The following UTP4 variants were observed in gnomAD, a reference collection of about 807,000 sequenced individuals.
UTP4 encodes the protein U3 small nucleolar RNA-associated protein 4 homolog.
Under a neutral mutation model 82.4 loss-of-function variants are expected in UTP4, and 45 were observed. That is an observed-to-expected ratio of 0.55 (90% CI 0.43 to 0.70). UTP4 has a LOEUF of 0.70. Among genes scored for constraint, UTP4 ranks in the 30% least tolerant of loss-of-function variants. UTP4 has a pLI of 0.00. For synonymous variants in UTP4, 348 were observed against 300.3 expected, an observed-to-expected ratio of 1.16 and a Z score of -1.64; for missense variants, 819 against 858.3, an observed-to-expected ratio of 0.95 and a Z score of 0.57.
intron 9 of UTP4, among the ~76,000 whole-genome samples, chr16:69,153,966 G>T (rs1963344293): frequency 6.6e-6 from 1 of 152,118 alleles, no homozygotes; most frequent in South Asian, 2.1e-4. Context: ...CTTAACTGAG[G>T]TGAAAACAGG....
Position 69,150,647 on chromosome 16 carries a change from C to G in UTP4, c.849C>G (p.Phe283Leu), listed in dbSNP as rs1448213064. The G allele has an allele frequency of 1.2e-6, 2 of 1,614,222 alleles. No homozygotes were observed. The highest frequency in any genetic ancestry group is 2.2e-5 in the East Asian group (1 of 44,886). ...SEKQWVRTKP[F>L]QHHTHDVRTV... ...AGCAGTGGGTGCGGACAAAACCGTT[C>G]CAGCATCACACTCATGACGTGCGCA... The change falls in exon 7 of 17, where the codon TTC becomes TTG. Residue 283 changes from phenylalanine (F) to leucine (L), a missense_variant. Physicochemically the swap from Phe to Leu is conservative, Grantham distance 22 (BLOSUM62 0). Coordinates refer to ENST00000314423, the MANE Select transcript of UTP4 (RefSeq NM_032830.3).
In UTP4 at chr16:69,157,247, A is replaced by G. The variant is rs779127068; in HGVS notation, c.1444+7A>G. The G allele has an allele frequency of 1.5e-5, 24 of 1,613,842 alleles. No homozygotes were observed. The highest frequency in any genetic ancestry group is 2.0e-5 in the Non-Finnish European group (24 of 1,179,922). ...GCTTTCCAGCCTCAGTCAGGTGGGAATCTGGTAACTGGCCATGGGGAGACT... is the reference window on the plus strand; with the variant it reads ...GCTTTCCAGCCTCAGTCAGGTGGGAGTCTGGTAACTGGCCATGGGGAGACT... On this transcript the variant is annotated splice_region_variant and intron_variant, in intron 12 of 16. Transcript: ENST00000314423.
chr16:69,134,508 ATTCAGAG>A, intron 2 of UTP4, among the ~76,000 whole-genome samples: 1 of 70,084 alleles, frequency 1.4e-5, no homozygotes, highest in South Asian at 4.1e-4. Context: ...AGGGAAGGCA[ATTCAGAG>A]AATTGCCTTC....
At chr16:69,151,528 A>G (rs920161422) in intron 8 of UTP4, among the ~76,000 whole-genome samples, 2 of 150,962 alleles carry the variant, frequency 1.3e-5, no homozygotes, top group Non-Finnish European at 2.9e-5. Context: ...CACTGTGTTA[A>G]CCAGGATGGT....
rs538733033 is a variant in UTP4 at position 69,160,847 on chromosome 16, C to T, written c.1551+385C>T. Among the ~76,000 whole-genome samples the T allele has an allele frequency of 7.2e-5, 11 of 152,148 alleles. No individual in the cohort carries two copies. The South Asian group carries it at 1.9e-3, about 26-fold the overall frequency. Reference sequence around the variant, plus strand: ...CTGAGCTCAGGCAATCCGCCCACCTCGGCCTCCCAAAGTGCTAGGATTACA... The same window carrying T: ...CTGAGCTCAGGCAATCCGCCCACCTTGGCCTCCCAAAGTGCTAGGATTACA... On this transcript the variant is annotated intron_variant, in intron 13 of 16. Coordinates refer to ENST00000314423, the MANE Select transcript of UTP4 (RefSeq NM_032830.3).
At position 69,150,716 on chromosome 16, in the gene UTP4, C is replaced by T; in HGVS notation, c.910+8C>T. On this transcript the variant is annotated splice_region_variant and intron_variant, in intron 7 of 16. Transcript: ENST00000314423. The stretch of plus-strand genomic sequence containing the variant: ...CAGCGCTGATATCTGGAGGTGGGTT[C>T]CCCCTCTGGTGAGGCTGCTGCTTTA... The T allele has an allele frequency of 1.2e-6, 2 of 1,614,148 alleles. No individual in the cohort carries two copies. The highest frequency in any genetic ancestry group is 1.7e-6 in the Non-Finnish European group (2 of 1,180,014).
At chr16:69,143,551 T>C (rs956588887) in intron 6 of UTP4, among the ~76,000 whole-genome samples, 162 bp downstream of exon 6, 4 of 152,194 alleles carry the variant, frequency 2.6e-5, no homozygotes, top group African/African-American at 7.2e-5. Flanking sequence ...ATTGTTTCCA[T>C]AGTACCTAAC....
chr16:69,149,546 G>A (rs764662168), intron 6 of UTP4, among the ~76,000 whole-genome samples: 2 of 151,784 alleles, frequency 1.3e-5, no homozygotes, highest in South Asian at 2.1e-4. Flanking sequence ...GCGAAACTCC[G>A]TCTCAAAAAA....
At position 69,139,983 on chromosome 16, in the gene UTP4, C is replaced by T. The variant is rs942452766; in HGVS notation, c.526+69C>T. 4 of 1,140,200 alleles carry T rather than the reference C, an allele frequency of 3.5e-6. No individual in the cohort carries two copies. The Admixed American group carries it at 5.1e-5, about 14-fold the overall frequency. 70.6% of individuals were successfully genotyped at this position (1,140,200 alleles called of 1,614,324 possible). On this transcript the variant is annotated intron_variant, in intron 5 of 16. Coordinates refer to ENST00000314423, the MANE Select transcript of UTP4 (RefSeq NM_032830.3). ...ATTCACATTTCTGAGTTTTCAAAAG[C>T]TTGAGCCTTTGTCATGGTTTCATGA... is the stretch of plus-strand genomic sequence containing the variant.
At chr16:69,150,496 GT>G in intron 6 of UTP4, 40 bp from the exon 7 acceptor site, 1 of 1,612,148 alleles carries the variant, frequency 6.2e-7, no homozygotes, top group African/African-American at 1.3e-5. Flanking sequence ...ACCAGACCTT[GT>G]TTTGCTTACG....
At position 69,168,813 on chromosome 16, in the gene UTP4, C is replaced by T. The variant is rs775691617; in HGVS notation, c.1945-8C>T. On this transcript the variant is annotated splice_region_variant and splice_polypyrimidine_tract_variant and intron_variant, in intron 16 of 16. Coordinates refer to ENST00000314423, the MANE Select transcript of UTP4 (RefSeq NM_032830.3). ...AGTCCTGATAGAATAATTATCATCC[C>T]TCTGCAGCCTCTACTCTTCATGGAT... The T allele has an allele frequency of 2.2e-5, 34 of 1,561,034 alleles. 1 individual carries two copies. The highest frequency in any genetic ancestry group is 1.7e-4 in the Middle Eastern group (1 of 5,938).
rs150624716 is a variant in UTP4, at chr16:69,136,313, C to T, written c.160-383C>T. On this transcript the variant is annotated intron_variant, in intron 2 of 16. Transcript: ENST00000314423. The stretch of plus-strand genomic sequence containing the variant: ...GGAGGCCAAGGCTCACTGCAGCCTC[C>T]GCCTCCCAGGCTCAAACAATCCTCC... Among the ~76,000 whole-genome samples, 542 of 152,308 alleles carry T rather than the reference C, an allele frequency of 3.6e-3. 3 individuals carry two copies. Among genetic ancestry groups the T allele is most frequent in the Middle Eastern group, 0.01 (3 of 294 alleles).
chr16:69,144,680 C>G (rs1036874341), intron 6 of UTP4, among the ~76,000 whole-genome samples: 1 of 152,156 alleles, frequency 6.6e-6, no homozygotes, highest in Non-Finnish European at 1.5e-5. Context: ...TGTAGTGTTC[C>G]TATTCCATAT....
intron 6 of UTP4, 24 bp from the exon 7 acceptor site, chr16:69,150,513 C>T: frequency 6.2e-7 from 1 of 1,613,814 alleles, no homozygotes; most frequent in Non-Finnish European, 8.5e-7. Context: ...TTACGTGTAC[C>T]TCCCTCATGA....
chr16:69,133,400 T>C (rs1962703961), intron 1 of UTP4, 58 bp from the exon 2 acceptor site: 5 of 1,530,524 alleles, frequency 3.3e-6, no homozygotes, highest in African/African-American at 1.4e-5. Flanking sequence ...AACTGAATAC[T>C]ATATGTGACA....
At chr16:69,163,226 C>A in intron 14 of UTP4, 48 bp downstream of exon 14, 1 of 1,476,018 alleles carries the variant, frequency 6.8e-7, no homozygotes, top group Non-Finnish European at 9.5e-7. Flanking sequence ...TGGATAGTAA[C>A]CTAGAAGCTG....
chr16:69,163,359 T>A (rs1963613196), intron 14 of UTP4, among the ~76,000 whole-genome samples, 181 bp downstream of exon 14: 1 of 152,098 alleles, frequency 6.6e-6, no homozygotes, highest in Non-Finnish European at 1.5e-5. Context: ...CAGTATGCAT[T>A]GGTTTGATGG....
At chr16:69,165,787 A>T in intron 15 of UTP4, 1 of 581,948 alleles carries the variant, frequency 1.7e-6, no homozygotes, top group Non-Finnish European at 3.1e-6. Context: ...CTATTTGTCT[A>T]CTTTGCGAGT....
intron 2 of UTP4, 93 bp downstream of exon 2, chr16:69,133,711 G>C (rs781431190): frequency 9.1e-5 from 121 of 1,329,646 alleles, no homozygotes; most frequent in Admixed American, 3.7e-4. Context: ...AACTGATTGA[G>C]TGACTTCCTA....
Sources: gnomAD v4.1 joint callset for allele counts (sites outside exome capture counted in the v4.1 genomes callset) on GRCh38, gnomAD v4.1.1 for gene constraint, MANE v1.5 for transcripts, NCBI Gene and HGNC (gene_info 2026-07-23, HGNC 2026-07-21) for gene names.